LOC128092252: variants seen among roughly 807,000 people sequenced by gnomAD.
the LOC128092252 span, among the ~76,000 whole-genome samples, chr15:50,668,234 T>C: frequency 6.6e-6 from 1 of 152,170 alleles, no homozygotes; most frequent in African/African-American, 2.4e-5. Flanking sequence ...TTCAGGACTG[T>C]CATGGAGGGC....
the LOC128092252 span, among the ~76,000 whole-genome samples, chr15:50,668,606 CAAGT>C: frequency 6.6e-6 from 1 of 152,152 alleles, no homozygotes; most frequent in Non-Finnish European, 1.5e-5. Flanking sequence ...CTCCGGGGTC[CAAGT>C]AATTCTCCTG....
chr15:50,671,700 C>A, the LOC128092252 span, among the ~76,000 whole-genome samples: 1 of 151,950 alleles, frequency 6.6e-6, no homozygotes, highest in Non-Finnish European at 1.5e-5. Flanking sequence ...GTCCCAGCTA[C>A]CTGGGAAGCT....
the LOC128092252 span, among the ~76,000 whole-genome samples, chr15:50,683,155 T>A: frequency 6.6e-6 from 1 of 151,768 alleles, no homozygotes; most frequent in South Asian, 2.1e-4. Context: ...CTCAAAGTGC[T>A]AGGATTACAA....
chr15:50,650,192 C>CAAAAAAAAAA, the LOC128092252 span, among the ~76,000 whole-genome samples: 6 of 62,292 alleles, frequency 9.6e-5, no homozygotes, highest in African/African-American at 1.4e-4. Flanking sequence ...GACTTTGTCT[C>CAAAAAAAAAA]AAAAAAAAAA....
At chr15:50,679,515 T>TATATATAC in the LOC128092252 span, among the ~76,000 whole-genome samples, 31 of 49,394 alleles carry the variant, frequency 6.3e-4, no homozygotes, top group African/African-American at 3.5e-3. Flanking sequence ...ATATATAATA[T>TATATATAC]ATATATATAT....
the LOC128092252 span, among the ~76,000 whole-genome samples, chr15:50,649,584 G>T: frequency 6.6e-6 from 1 of 152,112 alleles, no homozygotes; most frequent in Non-Finnish European, 1.5e-5. Flanking sequence ...TTATATATTT[G>T]TATGATTCCA....
chr15:50,679,490 T>A, the LOC128092252 span, among the ~76,000 whole-genome samples: 1 of 129,718 alleles, frequency 7.7e-6, no homozygotes, highest in Non-Finnish European at 1.6e-5. Flanking sequence ...ATATATATAT[T>A]ATATATATGT....
At chr15:50,679,538 A>ATATATATATATATAT in the LOC128092252 span, among the ~76,000 whole-genome samples, 3 of 43,904 alleles carry the variant, frequency 6.8e-5, no homozygotes, top group African/African-American at 3.2e-4. Flanking sequence ...ATATATATAT[A>ATATATATATATATAT]TTTTTTTTTT....
At chr15:50,679,527 T>TTATATATATGTGTATATATATA in the LOC128092252 span, among the ~76,000 whole-genome samples, 7 of 49,962 alleles carry the variant, frequency 1.4e-4, no homozygotes, top group African/African-American at 2.7e-4. Flanking sequence ...TATATATATA[T>TTATATATATGTGTATATATATA]ATATATATAT....
At chr15:50,677,180 C>A in the LOC128092252 span, among the ~76,000 whole-genome samples, 1 of 152,120 alleles carries the variant, frequency 6.6e-6, no homozygotes, top group Non-Finnish European at 1.5e-5. Context: ...ACAGCTGCCT[C>A]CTCACTGTGT....
the LOC128092252 span, among the ~76,000 whole-genome samples, chr15:50,660,328 A>C: frequency 6.6e-6 from 1 of 152,154 alleles, no homozygotes; most frequent in Non-Finnish European, 1.5e-5. Flanking sequence ...AATAATAAAT[A>C]AATCCAAATT....
the LOC128092252 span, among the ~76,000 whole-genome samples, chr15:50,673,548 A>G: frequency 1.3e-5 from 2 of 151,930 alleles, no homozygotes; most frequent in African/African-American, 4.8e-5. Flanking sequence ...GAGTTACTTC[A>G]CTTAGAATTA....
chr15:50,673,814 A>C, the LOC128092252 span, among the ~76,000 whole-genome samples: 7 of 152,176 alleles, frequency 4.6e-5, no homozygotes, highest in Admixed American at 4.6e-4. Flanking sequence ...TGCTGTATCA[A>C]ATGGTATCCT....
the LOC128092252 span, among the ~76,000 whole-genome samples, chr15:50,679,529 T>TA: frequency 1.9e-5 from 1 of 51,756 alleles, no homozygotes; most frequent in African/African-American, 7.9e-5. Flanking sequence ...TATATATATA[T>TA]ATATATATAT....
chr15:50,654,101 A>G, the LOC128092252 span, among the ~76,000 whole-genome samples: 1 of 152,234 alleles, frequency 6.6e-6, no homozygotes, highest in Non-Finnish European at 1.5e-5. Flanking sequence ...CCTGTCAGAA[A>G]GAAACTGAAC....
At chr15:50,679,536 A>ATTTTT in the LOC128092252 span, among the ~76,000 whole-genome samples, 1 of 48,960 alleles carries the variant, frequency 2.0e-5, no homozygotes, top group African/African-American at 1.4e-4. Flanking sequence ...ATATATATAT[A>ATTTTT]TATTTTTTTT....
At chr15:50,682,106 A>C in the LOC128092252 span, among the ~76,000 whole-genome samples, 1 of 141,576 alleles carries the variant, frequency 7.1e-6, no homozygotes, top group Non-Finnish European at 1.5e-5. Flanking sequence ...TTAAACTGGA[A>C]GGCACAGTTT....
At chr15:50,673,707 T>G in the LOC128092252 span, among the ~76,000 whole-genome samples, 1 of 152,186 alleles carries the variant, frequency 6.6e-6, no homozygotes, top group Non-Finnish European at 1.5e-5. Flanking sequence ...GTTCCACATT[T>G]TTGCAATTAT....
the LOC128092252 span, chr15:50,648,915 C>T: frequency 6.6e-7 from 1 of 1,520,222 alleles, no homozygotes; most frequent in Non-Finnish European, 8.9e-7. Flanking sequence ...TTAAAACACC[C>T]TTCAAAAAAT....
Sources: allele counts gnomAD v4.1 joint callset (sites outside exome capture counted in the v4.1 genomes callset), GRCh38; gene constraint gnomAD v4.1.1; transcripts MANE v1.5.